CDH18: variants seen among roughly 807,000 people sequenced by gnomAD.
CDH18 encodes cadherin-18.
CDH18 carries 31 observed loss-of-function variants against 67.9 expected under a neutral mutation model. The observed-to-expected ratio is 0.46, with a 90% CI of 0.34 to 0.62. CDH18 has a LOEUF of 0.62. Ranked by LOEUF, CDH18 falls within the 20% of genes least tolerant of loss-of-function variation. The pLI, the probability that CDH18 is intolerant of heterozygous loss-of-function variation, is 0.01. For missense variants in CDH18, 890 were observed against 975.5 expected (o/e 0.91, Z 1.17); for synonymous variants, 362 against 347.2 (o/e 1.04, Z -0.48).
chr5:20,349,271 AT>A (rs529047759), intron 1 of CDH18, among the ~76,000 whole-genome samples: 3 of 151,794 alleles, frequency 2.0e-5, no homozygotes, highest in African/African-American at 4.8e-5. Flanking sequence ...TTGGAGATAT[AT>A]TTTTTTTGTA....
At chr5:20,336,038 G>A (rs1739696667) in intron 1 of CDH18, among the ~76,000 whole-genome samples, 1 of 152,102 alleles carries the variant, frequency 6.6e-6, no homozygotes, top group Admixed American at 6.5e-5. Flanking sequence ...ATTGAGAGAG[G>A]AGGCAATTAT....
At chr5:20,497,562 A>C (rs1382931271) in intron 1 of CDH18, among the ~76,000 whole-genome samples, 1 of 152,128 alleles carries the variant, frequency 6.6e-6, no homozygotes, top group Admixed American at 6.6e-5. Flanking sequence ...GTGTAAGTAC[A>C]CGCTGTGATG....
intron 1 of CDH18, among the ~76,000 whole-genome samples, chr5:20,279,662 G>A (rs1014877142): frequency 1.7e-5 from 2 of 117,364 alleles, no homozygotes; most frequent in African/African-American, 3.4e-5. Flanking sequence ...TCATGCCATT[G>A]CACTCCTTCC....
chr5:19,906,472 A>C (rs1448012548), intron 2 of CDH18, among the ~76,000 whole-genome samples: 1 of 151,952 alleles, frequency 6.6e-6, no homozygotes, highest in Non-Finnish European at 1.5e-5. Context: ...TATATTAAAG[A>C]TATTTCTGAT....
At chr5:20,485,881 A>G (rs1753137598) in intron 1 of CDH18, among the ~76,000 whole-genome samples, 1 of 152,328 alleles carries the variant, frequency 6.6e-6, no homozygotes, top group East Asian at 1.9e-4. Flanking sequence ...TAATATTTAA[A>G]CCAGGCTATT....
intron 1 of CDH18, among the ~76,000 whole-genome samples, chr5:20,560,271 G>A (rs1025026470): frequency 6.6e-6 from 1 of 151,930 alleles, no homozygotes; most frequent in African/African-American, 2.4e-5. Context: ...GGAGAGTGCT[G>A]TAGTTCTAGA....
chr5:20,439,277 A>T (rs1022240013), intron 1 of CDH18, among the ~76,000 whole-genome samples: 1 of 151,610 alleles, frequency 6.6e-6, no homozygotes, highest in African/African-American at 2.4e-5. Flanking sequence ...AATAGAAAAA[A>T]CTAAGGTTTG....
At chr5:19,744,368 G>A (rs1769669164) in intron 4 of CDH18, among the ~76,000 whole-genome samples, 1 of 151,962 alleles carries the variant, frequency 6.6e-6, no homozygotes, top group Admixed American at 6.6e-5. Context: ...CCCCAAATGA[G>A]GACTTTGACT....
rs1738001970 is a variant in CDH18 at position 19,473,895 on chromosome 5, C to T, written c.1883-179G>A. ...ATAACACCGCAAGGTACTGTAATGC[C>T]TCAAATAATGTAAAAGATGATTACC... is the stretch of plus-strand genomic sequence containing the variant. On this transcript the variant is annotated intron_variant, in intron 12 of 12. Coordinates refer to ENST00000382275, the MANE Select transcript of CDH18 (RefSeq NM_004934.5). Among the ~76,000 whole-genome samples the T allele has an allele frequency of 6.6e-6, 1 of 152,026 alleles. No homozygotes were observed. Among genetic ancestry groups the T allele is most frequent in the Non-Finnish European group, 1.5e-5 (1 of 68,004 alleles).
intron 2 of CDH18, among the ~76,000 whole-genome samples, chr5:20,125,009 A>G (rs1748697329): frequency 6.6e-6 from 1 of 152,176 alleles, no homozygotes; most frequent in Non-Finnish European, 1.5e-5. Flanking sequence ...ATCTGGTGTC[A>G]GAGACTGAAT....
intron 1 of CDH18, among the ~76,000 whole-genome samples, chr5:20,503,598 G>A (rs1754469573): frequency 6.6e-6 from 1 of 152,078 alleles, no homozygotes; most frequent in Non-Finnish European, 1.5e-5. Flanking sequence ...CCAAGAGTGG[G>A]GCAATAGAAG....
At chr5:19,713,120 A>G (rs993735663) in intron 5 of CDH18, among the ~76,000 whole-genome samples, 2 of 150,982 alleles carry the variant, frequency 1.3e-5, no homozygotes, top group South Asian at 2.1e-4. Flanking sequence ...TTTTTTCTCA[A>G]TAGTTACTAT....
At chr5:19,985,212 T>C (rs1799437503) in intron 1 of CDH18, among the ~76,000 whole-genome samples, 1 of 152,116 alleles carries the variant, frequency 6.6e-6, no homozygotes, top group South Asian at 2.1e-4. Flanking sequence ...GTTAGGGATC[T>C]AGTAAAACAC....
At chr5:20,177,741 C>A (rs897199230) in intron 2 of CDH18, among the ~76,000 whole-genome samples, 3 of 152,032 alleles carry the variant, frequency 2.0e-5, no homozygotes, top group Non-Finnish European at 4.4e-5. Context: ...ATAATTGAAT[C>A]ATGGGGGTGG....
intron 2 of CDH18, among the ~76,000 whole-genome samples, chr5:20,020,322 T>A (rs889145711): frequency 6.6e-6 from 1 of 152,130 alleles, no homozygotes; most frequent in African/African-American, 2.4e-5. Flanking sequence ...TGGGGAGGAA[T>A]TCAAGTCTGC....
intron 2 of CDH18, among the ~76,000 whole-genome samples, chr5:20,253,042 T>A (rs1029754600): frequency 6.6e-6 from 1 of 152,088 alleles, no homozygotes; most frequent in Admixed American, 6.6e-5. Context: ...GAGGATAAGA[T>A]GGCTGATTAC....
intron 8 of CDH18, among the ~76,000 whole-genome samples, chr5:19,570,145 T>C (rs1741139059): frequency 6.6e-6 from 1 of 152,142 alleles, no homozygotes; most frequent in Non-Finnish European, 1.5e-5. Flanking sequence ...TCATACTTAC[T>C]GTTTGGGGTC....
intron 2 of CDH18, among the ~76,000 whole-genome samples, chr5:20,017,855 G>T (rs1229699264): frequency 6.6e-6 from 1 of 152,136 alleles, no homozygotes; most frequent in Non-Finnish European, 1.5e-5. Flanking sequence ...ACAGAAACTA[G>T]GCTCTCCGTT....
chr5:19,719,757 A>G (rs1310983498), intron 5 of CDH18, among the ~76,000 whole-genome samples: 5 of 151,882 alleles, frequency 3.3e-5, no homozygotes, highest in Non-Finnish European at 7.4e-5. Flanking sequence ...CTACAATTAT[A>G]ATGCATATAA....
Sources: allele counts gnomAD v4.1 joint callset (sites outside exome capture counted in the v4.1 genomes callset), GRCh38; gene constraint gnomAD v4.1.1; transcripts MANE v1.5; gene names NCBI Gene and HGNC (gene_info 2026-07-23, HGNC 2026-07-21).